ALDH1A1: variants seen among roughly 807,000 people sequenced by gnomAD.
ALDH1A1 encodes aldehyde dehydrogenase 1A1.
Under a neutral mutation model 62.1 loss-of-function variants are expected in ALDH1A1, and 19 were observed. The observed-to-expected ratio is 0.31, with a 90% CI of 0.21 to 0.45. The LOEUF is 0.45. ALDH1A1 is among the 20% of genes least tolerant of loss of function. ALDH1A1 has a pLI of 1.00. For missense variants in ALDH1A1, 521 were observed against 607.1 expected (o/e 0.86, Z 1.49); for synonymous variants, 231 against 215.9 (o/e 1.07, Z -0.61).
At chr9:72,934,421 G>A (rs1761525944) in intron 2 of ALDH1A1, among the ~76,000 whole-genome samples, 1 of 152,022 alleles carries the variant, frequency 6.6e-6, no homozygotes, top group African/African-American at 2.4e-5. Context: ...TCTTTCAAAT[G>A]TTTACACCTG....
intron 6 of ALDH1A1, 101 bp from the exon 7 acceptor site, chr9:72,924,233 G>A (rs1830178351): frequency 7.0e-6 from 5 of 719,398 alleles, no homozygotes; most frequent in Non-Finnish European, 9.0e-6. Flanking sequence ...CTTATGAGAT[G>A]CTCTAGAAAA....
At chr9:72,929,133 C>T in intron 3 of ALDH1A1, 112 bp from the exon 4 acceptor site, 1 of 1,162,874 alleles carries the variant, frequency 8.6e-7, no homozygotes, top group Non-Finnish European at 1.2e-6. Flanking sequence ...TAGAAGAAAT[C>T]TTGTCATCTT....
chr9:72,904,693 C>T (rs1296170631), intron 12 of ALDH1A1, among the ~76,000 whole-genome samples: 1 of 152,110 alleles, frequency 6.6e-6, no homozygotes, highest in Admixed American at 6.6e-5. Context: ...CCTTGTCTGA[C>T]AGATGAAAAT....
At position 72,916,900 on chromosome 9, in the gene ALDH1A1, CCTTT is replaced by C; in HGVS notation, c.1035+16_1035+19del. On this transcript the variant is annotated intron_variant, in intron 9 of 12. Coordinates refer to ENST00000297785, the MANE Select transcript of ALDH1A1 (RefSeq NM_000689.5). The stretch of plus-strand genomic sequence containing the variant: ...TATTCCTGTGCCCTGAAAATGCTAT[CCTTT>C]CTATTTTATACTTACCTGAGGGCCT... 6.4e-7 allele frequency: 1 copy of C among 1,559,416 alleles called. No homozygotes were observed. Among genetic ancestry groups the C allele is most frequent in the South Asian group, 1.2e-5 (1 of 82,528 alleles).
Position 72,912,097 on chromosome 9 carries a change from A to C in ALDH1A1, c.1061T>G (p.Ile354Arg). 1 of 1,613,538 alleles carries C rather than the reference A, an allele frequency of 6.2e-7. No homozygotes were observed. The highest frequency in any genetic ancestry group is 8.5e-7 in the Non-Finnish European group (1 of 1,179,630). ...PQIDKEQYDK[I>R]LDLIESGKKE... ...CTTCCCACTCTCAATGAGGTCAAGTATTTTATCATATTGTTCCTTGTCAAT... is the reference window on the plus strand; with the variant it reads ...CTTCCCACTCTCAATGAGGTCAAGTCTTTTATCATATTGTTCCTTGTCAAT... Residue 354 changes from isoleucine to arginine, a missense_variant, in exon 10 of 13, where the codon ATA becomes AGA. Ile to Arg is a moderately conservative substitution (Grantham distance 97). Coordinates refer to ENST00000297785, the MANE Select transcript of ALDH1A1 (RefSeq NM_000689.5).
chr9:72,949,668 T>C (rs1221183097), intron 1 of ALDH1A1, among the ~76,000 whole-genome samples: 1 of 144,932 alleles, frequency 6.9e-6, no homozygotes, highest in South Asian at 2.3e-4. Context: ...TGTGTGCGTG[T>C]GTGTGTGTGT....
chr9:72,943,274 C>G (rs186052012), intron 1 of ALDH1A1, among the ~76,000 whole-genome samples: 69 of 152,228 alleles, frequency 4.5e-4, no homozygotes, highest in Non-Finnish European at 6.9e-4. Context: ...GTCCTCTTAT[C>G]CTTAGGTCTG....
intron 9 of ALDH1A1, 138 bp from the exon 10 acceptor site, chr9:72,912,260 G>T: frequency 1.5e-6 from 1 of 654,702 alleles, no homozygotes; most frequent in Non-Finnish European, 2.6e-6. Context: ...AGCTAACAGA[G>T]GTTCAGATTC....
At chr9:72,936,903 A>C (rs1830353014) in intron 2 of ALDH1A1, among the ~76,000 whole-genome samples, 1 of 152,114 alleles carries the variant, frequency 6.6e-6, no homozygotes, top group African/African-American at 2.4e-5. Flanking sequence ...GCATTCCCTC[A>C]CCTCCTTCCC....
At chr9:72,951,965 C>T (rs1830548137) in intron 1 of ALDH1A1, among the ~76,000 whole-genome samples, 1 of 151,894 alleles carries the variant, frequency 6.6e-6, no homozygotes, top group South Asian at 2.1e-4. Flanking sequence ...CAAAGCCATC[C>T]ATGGTTACAA....
intron 1 of ALDH1A1, among the ~76,000 whole-genome samples, chr9:72,941,531 T>G (rs1355702108): frequency 1.3e-5 from 2 of 152,176 alleles, no homozygotes; most frequent in Non-Finnish European, 2.9e-5. Context: ...AATAGTCATT[T>G]TTAAGTGTCT....
At chr9:72,935,188 T>G (rs1290591169) in intron 2 of ALDH1A1, among the ~76,000 whole-genome samples, 2 of 152,230 alleles carry the variant, frequency 1.3e-5, no homozygotes, top group African/African-American at 4.8e-5. Flanking sequence ...TAACAGTTAT[T>G]GTTTTCTTAA....
chr9:72,908,389 C>T (rs763658851), intron 11 of ALDH1A1, among the ~76,000 whole-genome samples: 4 of 123,358 alleles, frequency 3.2e-5, no homozygotes, highest in South Asian at 2.6e-4. Context: ...GATCCAAGAT[C>T]GCACCATTGC....
intron 8 of ALDH1A1, among the ~76,000 whole-genome samples, chr9:72,917,957 T>C (rs1830084325): frequency 6.6e-6 from 1 of 152,230 alleles, no homozygotes; most frequent in Non-Finnish European, 1.5e-5. Context: ...TTCATGTTTA[T>C]AGAATATTTC....
In ALDH1A1 at chr9:72,912,207, A is replaced by T. The variant is rs1830001115; in HGVS notation, c.1036-85T>A. The T allele has an allele frequency of 8.0e-6, 9 of 1,124,962 alleles. No individual in the cohort carries two copies. The Middle Eastern group carries it at 8.6e-4, about 107-fold the overall frequency. The allele number at this position is 1,124,962 out of a possible 1,614,324, so 69.7% of individuals were successfully genotyped here. A position where few individuals can be genotyped will look rare whatever the true frequency, so the allele number is the denominator to read the frequency against. On this transcript the variant is annotated intron_variant, in intron 9 of 12. Transcript: ENST00000297785. Reference sequence around the variant, plus strand: ...GCTGGGCCTGTTAACAAGGGCTTCAAAATGCTAAAATATTGCAATTAAACC... The same window carrying T: ...GCTGGGCCTGTTAACAAGGGCTTCATAATGCTAAAATATTGCAATTAAACC...
At chr9:72,933,592 C>CAA (rs60011646) in intron 2 of ALDH1A1, among the ~76,000 whole-genome samples, 58 of 111,720 alleles carry the variant, frequency 5.2e-4, no homozygotes, top group Non-Finnish European at 7.9e-4. Context: ...CATCTCAAAA[C>CAA]AAAAAAAAAA....
At chr9:72,925,258 T>C (rs1332441010) in intron 6 of ALDH1A1, among the ~76,000 whole-genome samples, 1 of 152,198 alleles carries the variant, frequency 6.6e-6, no homozygotes, top group East Asian at 1.9e-4. Context: ...CCAAGTTGAC[T>C]GTTTGACACC....
intron 1 of ALDH1A1, among the ~76,000 whole-genome samples, chr9:72,950,230 G>A (rs1465019344): frequency 2.0e-5 from 3 of 151,818 alleles, no homozygotes; most frequent in Non-Finnish European, 2.9e-5. Flanking sequence ...TAGAAAATAC[G>A]TGCCTTTATC....
At chr9:72,927,321 C>T (rs539894427) in intron 4 of ALDH1A1, 144 bp from the exon 5 acceptor site, 7 of 522,004 alleles carry the variant, frequency 1.3e-5, no homozygotes, top group Middle Eastern at 5.1e-4. Context: ...GCCTGTAATC[C>T]CAGCACTTTG....
Sources: gnomAD v4.1 joint callset for allele counts (sites outside exome capture counted in the v4.1 genomes callset) on GRCh38, gnomAD v4.1.1 for gene constraint, MANE v1.5 for transcripts, NCBI Gene and HGNC (gene_info 2026-07-23, HGNC 2026-07-21) for gene names.